Variants in CASK observed in about 807,000 individuals in gnomAD.
CASK encodes peripheral plasma membrane protein CASK.
Under a neutral mutation model 82.9 loss-of-function variants are expected in CASK, and 4 were observed. The observed-to-expected ratio is 0.05, with a 90% CI of 0.02 to 0.11. The LOEUF is 0.11. Among genes scored for constraint, CASK ranks in the 10% least tolerant of loss-of-function variants. The probability of loss-of-function intolerance (pLI) is 1.00; values close to 1 mark genes in which losing one functional copy is unlikely to be tolerated. For synonymous variants in CASK, 259 were observed against 253.5 expected, an observed-to-expected ratio of 1.02 and a Z score of -0.20; for missense variants, 358 against 720.9, an observed-to-expected ratio of 0.50 and a Z score of 5.76.
intron 2 of CASK, among the ~76,000 whole-genome samples, chrX:41,824,769 G>A (rs766845456): frequency 9.9e-5 from 11 of 111,240 alleles, no homozygotes; most frequent in Non-Finnish European, 1.7e-4. Context: ...ACTGTGATCC[G>A]GTGAGTCATG....
At chrX:41,665,475 GA>G in intron 6 of CASK, 23 bp from the exon 7 acceptor site, 1 of 1,132,585 alleles carries the variant, frequency 8.8e-7, no homozygotes, top group Non-Finnish European at 1.2e-6. Context: ...CAACATTAAG[GA>G]AAAATGTTTA....
intron 5 of CASK, among the ~76,000 whole-genome samples, chrX:41,732,021 C>T (rs909085289): frequency 9.3e-6 from 1 of 107,717 alleles, no homozygotes; most frequent in East Asian, 2.9e-4. Flanking sequence ...AGCGATCCTC[C>T]CGCTTCAGCC....
At chrX:41,627,599 T>C (rs1316667543) in intron 9 of CASK, among the ~76,000 whole-genome samples, 2 of 111,854 alleles carry the variant, frequency 1.8e-5, no homozygotes, top group East Asian at 5.6e-4. Flanking sequence ...ATTATACTAC[T>C]CTGCATGCCT....
intron 1 of CASK, among the ~76,000 whole-genome samples, chrX:41,911,498 C>G (rs1281028183): frequency 2.7e-5 from 3 of 112,231 alleles, no homozygotes; most frequent in Non-Finnish European, 5.6e-5. Flanking sequence ...CCAGTAGTGT[C>G]AGAGACTACA....
At chrX:41,712,704 G>A (rs937261752) in intron 5 of CASK, among the ~76,000 whole-genome samples, 26 of 112,606 alleles carry the variant, frequency 2.3e-4, no homozygotes, top group Non-Finnish European at 4.7e-4. Context: ...GAGAGGGGCT[G>A]GAATTCTAAA....
At chrX:41,661,631 G>C (rs2067034171) in intron 7 of CASK, among the ~76,000 whole-genome samples, 1 of 110,991 alleles carries the variant, frequency 9.0e-6, no homozygotes, top group Non-Finnish European at 1.9e-5. Context: ...GGAGTGAAAA[G>C]TGTCTTTATG....
intron 11 of CASK, among the ~76,000 whole-genome samples, chrX:41,612,944 G>A (rs1453426823): frequency 4.9e-5 from 5 of 102,625 alleles, no homozygotes; most frequent in Non-Finnish European, 1.0e-4. Flanking sequence ...CCTCTGCCTG[G>A]CCGCCCCTAC....
intron 12 of CASK, among the ~76,000 whole-genome samples, chrX:41,591,872 C>T (rs2065750501): frequency 9.0e-6 from 1 of 111,453 alleles, no homozygotes; most frequent in African/African-American, 3.3e-5. Context: ...ACTTTAAAAA[C>T]ACATTTAGTC....
chrX:41,565,270 C>A (rs1040505792), intron 16 of CASK, among the ~76,000 whole-genome samples: 1 of 111,109 alleles, frequency 9.0e-6, no homozygotes, highest in Non-Finnish European at 1.9e-5. Flanking sequence ...CACAAAAAAC[C>A]CTTCAAAATA....
intron 1 of CASK, among the ~76,000 whole-genome samples, chrX:41,864,548 TAAC>T (rs749472502): frequency 8.0e-5 from 9 of 111,873 alleles, no homozygotes; most frequent in Non-Finnish European, 1.7e-4. Flanking sequence ...GTATTTATAA[TAAC>T]AACACAAATA....
intron 5 of CASK, chrX:41,695,913 C>T (rs767384358): frequency 3.2e-5 from 39 of 1,206,509 alleles, no homozygotes; most frequent in Non-Finnish European, 4.4e-5. Context: ...AATTTATCTA[C>T]TTAACGTAGC....
chrX:41,759,779 T>C (rs2068967077), intron 3 of CASK, among the ~76,000 whole-genome samples: 1 of 112,207 alleles, frequency 8.9e-6, no homozygotes, highest in Admixed American at 9.5e-5. Context: ...AAAAAAAGAC[T>C]GCCTTGAAAG....
intron 5 of CASK, among the ~76,000 whole-genome samples, chrX:41,695,247 C>T (rs753873791): frequency 9.1e-6 from 1 of 109,594 alleles, no homozygotes; most frequent in Admixed American, 9.7e-5. Flanking sequence ...TTACTACATA[C>T]AGTAGGATAA....
At chrX:41,716,790 C>T (rs373013982) in intron 5 of CASK, among the ~76,000 whole-genome samples, 6 of 111,811 alleles carry the variant, frequency 5.4e-5, no homozygotes, top group Non-Finnish European at 1.1e-4. Context: ...CAGCTATACT[C>T]CCTGGTGGTA....
chrX:41,581,540 G>T (rs1377769355), intron 14 of CASK, among the ~76,000 whole-genome samples: 2 of 110,443 alleles, frequency 1.8e-5, no homozygotes, highest in Non-Finnish European at 3.8e-5. Flanking sequence ...GAAAAATTCG[G>T]ATGACTGAGC....
chrX:41,734,883 T>C (rs1419837182), intron 5 of CASK, among the ~76,000 whole-genome samples: 1 of 111,790 alleles, frequency 8.9e-6, no homozygotes, highest in South Asian at 3.7e-4. Context: ...CAAAGGATTA[T>C]ATGATTGCTT....
intron 9 of CASK, among the ~76,000 whole-genome samples, chrX:41,627,724 T>C (rs1474433297): frequency 8.9e-6 from 1 of 112,743 alleles, no homozygotes; most frequent in African/African-American, 3.2e-5. Context: ...GAAAACGGGC[T>C]GGACGCGGTG....
At chrX:41,685,798 G>A in intron 5 of CASK, among the ~76,000 whole-genome samples, 1 of 111,773 alleles carries the variant, frequency 8.9e-6, no homozygotes. Flanking sequence ...TTCTTAGAGA[G>A]ACATTTGTAT....
At chrX:41,848,249 T>C (rs2071196858) in intron 2 of CASK, among the ~76,000 whole-genome samples, 2 of 111,808 alleles carry the variant, frequency 1.8e-5, no homozygotes, top group Non-Finnish European at 3.8e-5. Flanking sequence ...GGGGTTGCTA[T>C]AGTTGGGATG....
Sources: allele counts gnomAD v4.1 joint callset (sites outside exome capture counted in the v4.1 genomes callset), GRCh38; gene constraint gnomAD v4.1.1; transcripts MANE v1.5; gene names NCBI Gene and HGNC (gene_info 2026-07-23, HGNC 2026-07-21).